The following LAD1 variants were observed in gnomAD, a reference collection of about 807,000 sequenced individuals.
LAD1 encodes the protein ladinin 1, also known as ladinin-1.
A neutral mutation model predicts 54.2 loss-of-function variants in LAD1; 53 were observed. The ratio of observed to expected loss-of-function variants is 0.98; its 90% CI spans 0.78 to 1.23. The LOEUF (loss-of-function observed/expected upper bound fraction) is 1.23, where lower values mean the gene tolerates loss of function less well. Ranked by LOEUF, LAD1 falls within the 50% of genes most tolerant of loss-of-function variation. The pLI, the probability that LAD1 is intolerant of heterozygous loss-of-function variation, is 0.00. For synonymous variants in LAD1, 231 were observed against 257.7 expected (o/e 0.90, Z 0.99); for missense variants, 637 against 653.3 (o/e 0.98, Z 0.27).
In LAD1 at chr1:201,381,861, C is replaced by T. The variant is rs757362680; in HGVS notation, c.*27G>A. ...TGAGGGAGGTCCCTTGAGACGAAGA[C>T]TTGCAGGTCTGTCTTGGCGGGGCTT... On this transcript the variant is annotated 3_prime_UTR_variant, in exon 10 of 10. Transcript: ENST00000391967. 6.2e-7 allele frequency: 1 copy of T among 1,613,800 alleles called. No homozygotes were observed. The highest frequency in any genetic ancestry group is 1.1e-5 in the South Asian group (1 of 91,066).
At chr1:201,388,271 A>T (rs918450859) in intron 2 of LAD1, among the ~76,000 whole-genome samples, 4 of 152,032 alleles carry the variant, frequency 2.6e-5, no homozygotes, top group African/African-American at 9.7e-5. Flanking sequence ...GGTGCCTTTA[A>T]TCTCAGCTAC....
rs1423116014 is a variant in LAD1, at chr1:201,385,553, T to C, written c.1131+148A>G. On this transcript the variant is annotated intron_variant, in intron 4 of 9. Transcript: ENST00000391967. ...TTCTCCTCTGCTGAATACAACCTTG[T>C]TTGTTCAGGGCCACCCATGGGAATC... 3 of 709,100 alleles carry C rather than the reference T, an allele frequency of 4.2e-6. No individual in the cohort carries two copies. In the African/African-American group the frequency reaches 5.3e-5, roughly 12 times the overall value. The allele number at this position is 709,100 out of a possible 1,614,324, so 43.9% of individuals were successfully genotyped here.
In LAD1 at chr1:201,386,977, T is replaced by G. The variant is rs1250093398; in HGVS notation, c.384A>C (p.Thr128=). ...GRNSLSPVQA[T]QKPLVSKKEL... ...CCTTCTTGGAGACTAGGGGTTTCTG[T>G]GTGGCCTGCACAGGGCTCAAGCTGT... The change falls in exon 3 of 10, where the codon ACA becomes ACC. Residue 128 remains threonine, a synonymous_variant. Transcript: ENST00000391967. 6.2e-7 allele frequency: 1 copy of G among 1,609,182 alleles called. No homozygotes were observed. Among genetic ancestry groups the G allele is most frequent in the South Asian group, 1.1e-5 (1 of 90,106 alleles).
At chr1:201,399,223 G>C in intron 1 of LAD1, 46 bp downstream of exon 1, 2 of 1,483,406 alleles carry the variant, frequency 1.3e-6, no homozygotes, top group Non-Finnish European at 1.8e-6. Context: ...AGACCCAAAG[G>C]CTCCCCGCCG....
rs372635622 is a variant in LAD1 at position 201,383,189 on chromosome 1, C to G, written c.1271G>C (p.Arg424Pro). 6.2e-7 allele frequency: 1 copy of G among 1,613,896 alleles called. No homozygotes were observed. Among genetic ancestry groups the G allele is most frequent in the East Asian group, 2.2e-5 (1 of 44,878 alleles). Residue 424 changes from arginine to proline, a missense_variant, in exon 7 of 10, where the codon CGG (arginine) becomes CCG (proline). Coordinates refer to ENST00000391967, the MANE Select transcript of LAD1 (RefSeq NM_005558.4). ...AIRRSESVKS[R>P]GLPCTELFVA... ...GAATAACTCAGTGCAAGGCAGACCC[C>G]GAGACTTGACAGATTCTGATCTCTG... is the stretch of plus-strand genomic sequence containing the variant.
At chr1:201,386,310 G>A in intron 3 of LAD1, 25 bp downstream of exon 3, 1 of 1,429,380 alleles carries the variant, frequency 7.0e-7, no homozygotes. Context: ...GAGTAGAAGG[G>A]TGGGAGGGAC....
intron 8 of LAD1, 63 bp downstream of exon 8, chr1:201,382,590 C>T (rs1661985487): frequency 7.4e-7 from 1 of 1,355,186 alleles, no homozygotes; most frequent in East Asian, 2.5e-5. Context: ...TGTCCCTCCT[C>T]TGTCCCCAGT....
In LAD1 at chr1:201,386,379, C is replaced by T. The variant is rs569658190; in HGVS notation, c.982G>A (p.Asp328Asn). ...LPSLAKQGAS[D>N]PPTVASRLPP... ...AGGCGGGAGGCCACAGTCGGAGGGTCTGAAGCCCCCTGCTTTGCCAAAGAG... is the reference window on the plus strand; with the variant it reads ...AGGCGGGAGGCCACAGTCGGAGGGTTTGAAGCCCCCTGCTTTGCCAAAGAG... The change falls in exon 3 of 10, where the codon GAC becomes AAC. Residue 328 changes from aspartate to asparagine, a missense_variant. By Grantham distance (23) the Asp-to-Asn change is conservative (BLOSUM62 1). Transcript: ENST00000391967. The T allele has an allele frequency of 2.6e-6, 4 of 1,514,698 alleles. No individual in the cohort carries two copies. In the African/African-American group the frequency reaches 4.2e-5, roughly 16 times the overall value. 93.8% of individuals were successfully genotyped at this position (1,514,698 alleles called of 1,614,324 possible).
At chr1:201,388,834 C>A (rs1379266390) in intron 2 of LAD1, among the ~76,000 whole-genome samples, 1 of 152,206 alleles carries the variant, frequency 6.6e-6, no homozygotes, top group Non-Finnish European at 1.5e-5. Context: ...CACCTAAGTA[C>A]TTTTCAACCC....
At chr1:201,395,269 C>T (rs560472976) in intron 1 of LAD1, among the ~76,000 whole-genome samples, 1 of 152,298 alleles carries the variant, frequency 6.6e-6, no homozygotes. Flanking sequence ...AAAGCCCAGT[C>T]CCCAGGAGGG....
chr1:201,382,971 G>C, intron 7 of LAD1, 103 bp downstream of exon 7: 1 of 1,363,356 alleles, frequency 7.3e-7, no homozygotes, highest in Non-Finnish European at 1.0e-6. Context: ...AACATTAATT[G>C]ACACATGAAA....
At chr1:201,382,880 C>G in intron 7 of LAD1, 141 bp from the exon 8 acceptor site, 4 of 967,882 alleles carry the variant, frequency 4.1e-6, no homozygotes, top group Non-Finnish European at 1.6e-6. Flanking sequence ...ACAGCCCCCT[C>G]CCCTTCCCCC....
chr1:201,383,569 G>T (rs1662012943), intron 5 of LAD1, 180 bp from the exon 6 acceptor site: 2 of 650,096 alleles, frequency 3.1e-6, no homozygotes, highest in African/African-American at 1.8e-5. Context: ...AGACGCCAGG[G>T]ATTTCCCTCC....
At chr1:201,395,448 C>G (rs3923237) in intron 1 of LAD1, among the ~76,000 whole-genome samples, 24,146 of 152,100 alleles carry the variant, frequency 0.16, 2,459 homozygotes, top group African/African-American at 0.29. Context: ...TTCTAATACC[C>G]CTGGCATTCA....
At chr1:201,385,540 G>A (rs1662056403) in intron 4 of LAD1, among the ~76,000 whole-genome samples, 161 bp downstream of exon 4, 1 of 152,206 alleles carries the variant, frequency 6.6e-6, no homozygotes, top group African/African-American at 2.4e-5. Flanking sequence ...CTCCTCTGCT[G>A]AATACAACCT....
At position 201,381,743 on chromosome 1, in the gene LAD1, C is replaced by A; in HGVS notation, c.*145G>T. The A allele has an allele frequency of 1.1e-6, 1 of 902,962 alleles. No individual in the cohort carries two copies. Among genetic ancestry groups the A allele is most frequent in the Non-Finnish European group, 1.8e-6 (1 of 543,646 alleles). The allele number at this position is 902,962 out of a possible 1,614,324, so 55.9% of individuals were successfully genotyped here. A position where few individuals can be genotyped will look rare whatever the true frequency, so the allele number is the denominator to read the frequency against. Reference sequence around the variant, plus strand: ...GGCTGAGTCTTGCAAATATTCCTGACCCCAGGGACCCTGGCCAAACAGATC... The same window carrying A: ...GGCTGAGTCTTGCAAATATTCCTGAACCCAGGGACCCTGGCCAAACAGATC... On this transcript the variant is annotated 3_prime_UTR_variant, in exon 10 of 10. Transcript: ENST00000391967.
chr1:201,386,866 C>T lies in LAD1; in HGVS notation c.495G>A (p.Glu165=), dbSNP rs1299829376. The T allele has an allele frequency of 6.2e-7, 1 of 1,610,582 alleles. No homozygotes were observed. Among genetic ancestry groups the T allele is most frequent in the South Asian group, 1.1e-5 (1 of 90,838 alleles). ...GAACCCCTTTCTTCCTCTCTTCTGG[C>T]TCCCTGCCCACCAAGCTCTCCTCCT... ...ALEEESLVGR[E]PEERKKGVPE... is the part of the protein sequence containing the mutation. Residue 165 remains glutamate, a synonymous_variant, in exon 3 of 10, where the codon GAG becomes GAA. Transcript: ENST00000391967.
At chr1:201,383,241 C>G in intron 6 of LAD1, 30 bp from the exon 7 acceptor site, 1 of 1,614,016 alleles carries the variant, frequency 6.2e-7, no homozygotes, top group Non-Finnish European at 8.5e-7. Context: ...ACAGCTGACC[C>G]ATGCTGGGGA....
intron 1 of LAD1, 71 bp downstream of exon 1, chr1:201,399,198 T>C (rs1662360877): frequency 4.8e-6 from 6 of 1,254,448 alleles, no homozygotes; most frequent in African/African-American, 1.5e-5. Context: ...AGGAGGCCGG[T>C]GCCCCGAGGA....
Sources: gnomAD v4.1 joint callset for allele counts (sites outside exome capture counted in the v4.1 genomes callset) on GRCh38, gnomAD v4.1.1 for gene constraint, MANE v1.5 for transcripts, NCBI Gene and HGNC (gene_info 2026-07-23, HGNC 2026-07-21) for gene names.